Variants in SMCO4 observed in about 807,000 individuals in gnomAD.
SMCO4 encodes single-pass membrane protein with coiled-coil domains 4.
A neutral mutation model predicts 3.6 loss-of-function variants in SMCO4; 4 were observed. The observed-to-expected ratio is 1.11, with a 90% CI of 0.54 to 2.53. The LOEUF (loss-of-function observed/expected upper bound fraction) is 2.53. SMCO4 is among the 30% of genes most tolerant of loss of function. SMCO4 has a pLI of 0.02. For synonymous variants in SMCO4, 36 were observed against 35.3 expected (o/e 1.02, Z -0.07); for missense variants, 70 against 80.8 (o/e 0.87, Z 0.51).
chr11:93,479,747 G>A (rs1473931993), intron 2 of SMCO4, among the ~76,000 whole-genome samples: 1 of 152,184 alleles, frequency 6.6e-6, no homozygotes, highest in Non-Finnish European at 1.5e-5. Context: ...CATTAAGGCT[G>A]CAGAGAGCCC....
chr11:93,526,927 C>A (rs1167035132), intron 1 of SMCO4, among the ~76,000 whole-genome samples: 2 of 152,198 alleles, frequency 1.3e-5, no homozygotes, highest in African/African-American at 4.8e-5. Flanking sequence ...GGCCACATAT[C>A]TGAGCTCTAG....
At chr11:93,518,248 G>A (rs1309529852) in intron 1 of SMCO4, among the ~76,000 whole-genome samples, 3 of 152,114 alleles carry the variant, frequency 2.0e-5, no homozygotes, top group South Asian at 4.2e-4. Context: ...ATGTTCTTGC[G>A]GTTTATGCAA....
At chr11:93,535,713 T>C (rs758472905) in intron 1 of SMCO4, 63 of 1,613,710 alleles carry the variant, frequency 3.9e-5, no homozygotes, top group Non-Finnish European at 5.2e-5. Context: ...TTCAGATGGC[T>C]TATTCAAACC....
At chr11:93,506,424 A>T (rs1948902635) in intron 1 of SMCO4, among the ~76,000 whole-genome samples, 1 of 150,800 alleles carries the variant, frequency 6.6e-6, no homozygotes, top group African/African-American at 2.4e-5. Context: ...TATATTCTCT[A>T]CTGCCACACA....
rs556388563 is a variant in SMCO4, at chr11:93,522,809, A to T, written c.-154+20467T>A. On this transcript the variant is annotated intron_variant, in intron 1 of 2. Transcript: ENST00000298966. ...CTTAGTGTCAAAAACCACACCTTGCAAACTTCTAATTTATAACACATAAAG... is the reference window on the plus strand; with the variant it reads ...CTTAGTGTCAAAAACCACACCTTGCTAACTTCTAATTTATAACACATAAAG... 2.6e-5 allele frequency among the ~76,000 whole-genome samples: 4 copies of T among 152,288 alleles called. No homozygotes were observed. The South Asian group carries it at 8.3e-4, about 32-fold the overall frequency.
At chr11:93,528,264 C>T (rs1019375928) in intron 1 of SMCO4, among the ~76,000 whole-genome samples, 1 of 152,110 alleles carries the variant, frequency 6.6e-6, no homozygotes, top group Non-Finnish European at 1.5e-5. Context: ...TTCTTTTCTG[C>T]CTTACTTATA....
chr11:93,516,488 A>G (rs891507656), intron 1 of SMCO4, among the ~76,000 whole-genome samples: 4 of 152,196 alleles, frequency 2.6e-5, no homozygotes, highest in African/African-American at 4.8e-5. Flanking sequence ...GCGCAAACGG[A>G]ATTAGAAAAG....
At chr11:93,534,373 T>G (rs78223777) in intron 1 of SMCO4, among the ~76,000 whole-genome samples, 59,595 of 133,882 alleles carry the variant, frequency 0.45, 12,889 homozygotes, top group Middle Eastern at 0.53. Context: ...TATATATATA[T>G]ATAGAGAGAG....
intron 2 of SMCO4, among the ~76,000 whole-genome samples, chr11:93,490,528 C>T (rs1229681560): frequency 6.6e-6 from 1 of 152,098 alleles, no homozygotes; most frequent in Non-Finnish European, 1.5e-5. Context: ...TGGTTGAGAT[C>T]CACAAAAGAG....
chr11:93,531,453 T>C lies in SMCO4; in HGVS notation c.-154+11823A>G, dbSNP rs34154805. 7.3e-3 allele frequency among the ~76,000 whole-genome samples: 1,105 copies of C among 152,284 alleles called. 9 individuals carry two copies. The highest frequency in any genetic ancestry group is 0.013 in the Non-Finnish European group (891 of 68,022). Reference sequence around the variant, plus strand: ...AGTACTTGGATTGGAACTTACACCATTGGCTCTCTGGGGTCTCAAACTTGC... The same window carrying C: ...AGTACTTGGATTGGAACTTACACCACTGGCTCTCTGGGGTCTCAAACTTGC... On this transcript the variant is annotated intron_variant, in intron 1 of 2. Coordinates refer to ENST00000298966, the MANE Select transcript of SMCO4 (RefSeq NM_020179.3).
intron 1 of SMCO4, among the ~76,000 whole-genome samples, chr11:93,533,650 T>C (rs1949184220): frequency 6.6e-6 from 1 of 152,238 alleles, no homozygotes; most frequent in South Asian, 2.1e-4. Context: ...CGTGTGGGGC[T>C]CTGATGTGCA....
intron 1 of SMCO4, among the ~76,000 whole-genome samples, chr11:93,534,411 G>A (rs1949199941): frequency 7.1e-6 from 1 of 141,742 alleles, no homozygotes; most frequent in Non-Finnish European, 1.6e-5. Flanking sequence ...TATATATATG[G>A]AAAAGGGAAC....
At chr11:93,481,337 T>G in intron 2 of SMCO4, 1 of 671,584 alleles carries the variant, frequency 1.5e-6, no homozygotes, top group South Asian at 6.5e-5. Context: ...GCGGTACAGG[T>G]GGGCTGAGAC....
intron 1 of SMCO4, among the ~76,000 whole-genome samples, chr11:93,539,863 T>A (rs1949257292): frequency 2.6e-5 from 4 of 151,620 alleles, no homozygotes; most frequent in Admixed American, 2.6e-4. Flanking sequence ...CCCACTCCTC[T>A]CTCTAGCTGC....
chr11:93,498,978 A>C (rs537174762), intron 2 of SMCO4, among the ~76,000 whole-genome samples: 51 of 152,298 alleles, frequency 3.3e-4, no homozygotes, highest in African/African-American at 1.2e-3. Flanking sequence ...CCTCTACCCG[A>C]CTGGCCAAGA....
chr11:93,481,397 T>A (rs1317126813), intron 2 of SMCO4: 4 of 984,054 alleles, frequency 4.1e-6, no homozygotes, highest in Non-Finnish European at 4.8e-6. Context: ...ACTGAGCTCC[T>A]CTAAGCCTGA....
chr11:93,550,355 G>A, the SMCO4 span, among the ~76,000 whole-genome samples: 1 of 152,052 alleles, frequency 6.6e-6, no homozygotes, highest in African/African-American at 2.4e-5. Context: ...ACTCCCCAGG[G>A]TGTATCATTA....
intron 1 of SMCO4, among the ~76,000 whole-genome samples, chr11:93,531,294 GA>G (rs1252624745): frequency 6.6e-6 from 1 of 152,206 alleles, no homozygotes; most frequent in African/African-American, 2.4e-5. Context: ...CCTGAACTGA[GA>G]AACTGGCTCT....
At chr11:93,479,573 ACGC>A (rs1194666140) in intron 2 of SMCO4, among the ~76,000 whole-genome samples, 2 of 152,256 alleles carry the variant, frequency 1.3e-5, no homozygotes, top group East Asian at 3.9e-4. Context: ...AGCACCAACT[ACGC>A]CGCCTCCACT....
Sources: gnomAD v4.1 joint callset for allele counts (sites outside exome capture counted in the v4.1 genomes callset) on GRCh38, gnomAD v4.1.1 for gene constraint, MANE v1.5 for transcripts, NCBI Gene and HGNC (gene_info 2026-07-23, HGNC 2026-07-21) for gene names.